The following DAZAP1 variants were observed in gnomAD, a reference collection of about 807,000 sequenced individuals.
DAZAP1 encodes the protein DAZ-associated protein 1.
In DAZAP1, 6 loss-of-function variants were observed where a neutral mutation model predicts 60.1. That is an observed-to-expected ratio of 0.10 (90% confidence interval 0.05 to 0.20). DAZAP1 has a LOEUF of 0.20. DAZAP1 is among the 10% of genes least tolerant of loss of function. The pLI, the probability that DAZAP1 is intolerant of heterozygous loss-of-function variation, is 1.00. For missense variants in DAZAP1, 366 were observed against 560.4 expected (o/e 0.65, Z 3.50); for synonymous variants, 235 against 215.9 (o/e 1.09, Z -0.78).
Position 1,421,138 on chromosome 19 carries a change from T to C in DAZAP1, c.304-10T>C. ...CCGTGTGAACTAACTATCCTTCCCT[T>C]CTTCAACAGCAGAAAGGACCCAGGA... On this transcript the variant is annotated splice_polypyrimidine_tract_variant and intron_variant, in intron 4 of 11. Coordinates refer to ENST00000233078, the MANE Select transcript of DAZAP1 (RefSeq NM_018959.4). 6.2e-7 allele frequency: 1 copy of C among 1,613,542 alleles called. No individual in the cohort carries two copies. Among genetic ancestry groups the C allele is most frequent in the Non-Finnish European group, 8.5e-7 (1 of 1,179,498 alleles).
At chr19:1,415,378 T>G (rs1230902171) in intron 1 of DAZAP1, among the ~76,000 whole-genome samples, 1 of 148,058 alleles carries the variant, frequency 6.8e-6, no homozygotes, top group African/African-American at 2.5e-5. Context: ...TGTGTGTGTG[T>G]GTGTGTGTGT....
intron 8 of DAZAP1, 152 bp from the exon 9 acceptor site, chr19:1,429,815 T>C: frequency 1.2e-6 from 1 of 863,148 alleles, no homozygotes; most frequent in African/African-American, 1.7e-5. Flanking sequence ...TGCTCAGGGT[T>C]CAGAGGGCTC....
intron 4 of DAZAP1, among the ~76,000 whole-genome samples, chr19:1,419,105 G>A (rs544389457): frequency 2.0e-5 from 3 of 152,296 alleles, no homozygotes; most frequent in East Asian, 1.9e-4. Context: ...GTCAGCTCGT[G>A]CTGGCCACTT....
intron 1 of DAZAP1, among the ~76,000 whole-genome samples, chr19:1,412,576 C>T (rs1039010544): frequency 4.6e-5 from 7 of 152,182 alleles, no homozygotes; most frequent in Middle Eastern, 3.2e-3. Context: ...CCCGAATGGC[C>T]GGGCTGGCCG....
At chr19:1,412,539 C>G (rs1280471590) in intron 1 of DAZAP1, among the ~76,000 whole-genome samples, 1 of 152,180 alleles carries the variant, frequency 6.6e-6, no homozygotes, top group Non-Finnish European at 1.5e-5. Context: ...AGGTCGCCTG[C>G]CAACTGCCCC....
chr19:1,414,029 G>GTGTGTT (rs2082904201), intron 1 of DAZAP1, among the ~76,000 whole-genome samples: 1 of 149,632 alleles, frequency 6.7e-6, no homozygotes, highest in African/African-American at 2.5e-5. Flanking sequence ...GTGTGTGTGT[G>GTGTGTT]TGTTTAGATG....
Position 1,435,042 on chromosome 19 carries a change from T to C in DAZAP1, c.*130T>C. 1 of 563,036 alleles carries C rather than the reference T, an allele frequency of 1.8e-6. No individual in the cohort carries two copies. Among genetic ancestry groups the C allele is most frequent in the Admixed American group, 4.3e-5 (1 of 23,244 alleles). 34.9% of individuals were successfully genotyped at this position (563,036 alleles called of 1,614,324 possible). A position where few individuals can be genotyped will look rare whatever the true frequency, so the allele number is the denominator to read the frequency against. On this transcript the variant is annotated 3_prime_UTR_variant, in exon 12 of 12. Transcript: ENST00000233078. ...GGGGGGCGGGGGGAGGGCGCGAGGCTTTTGGAGCGGCTGTGGGTGTCGTCT... is the reference window on the plus strand; with the variant it reads ...GGGGGGCGGGGGGAGGGCGCGAGGCCTTTGGAGCGGCTGTGGGTGTCGTCT...
At chr19:1,412,776 G>A (rs185536725) in intron 1 of DAZAP1, among the ~76,000 whole-genome samples, 121 of 152,310 alleles carry the variant, frequency 7.9e-4, no homozygotes, top group Non-Finnish European at 1.6e-3. Flanking sequence ...TGGCTGCGCC[G>A]GCCACCGTGG....
At position 1,422,401 on chromosome 19, in the gene DAZAP1, G is replaced by A; in HGVS notation, c.463+5G>A. On this transcript the variant is annotated splice_donor_5th_base_variant and intron_variant, in intron 6 of 11. Transcript: ENST00000233078. The surrounding 1 kb of genome is among the most constrained non-coding windows in gnomAD (Gnocchi z 4.5). ...CCGAGAAGCAGAGGCCCCGAGGTAA[G>A]GGCAGATCTAGTTTGACCTCGGCCT... is the stretch of plus-strand genomic sequence containing the variant. 1 of 1,613,760 alleles carries A rather than the reference G, an allele frequency of 6.2e-7. No homozygotes were observed. Among genetic ancestry groups the A allele is most frequent in the Non-Finnish European group, 8.5e-7 (1 of 1,179,776 alleles).
chr19:1,417,338 G>C (rs898827696), intron 1 of DAZAP1, 162 bp from the exon 2 acceptor site: 32 of 763,554 alleles, frequency 4.2e-5, no homozygotes, highest in Middle Eastern at 7.0e-4. Context: ...CATGGGCGAG[G>C]CTGACTCGCC....
At chr19:1,412,951 CT>C (rs34085072) in intron 1 of DAZAP1, among the ~76,000 whole-genome samples, 5 of 152,198 alleles carry the variant, frequency 3.3e-5, no homozygotes, top group Admixed American at 3.3e-4. Flanking sequence ...GAGAACACCC[CT>C]TTTGGGTTTG....
At position 1,428,724 on chromosome 19, in the gene DAZAP1, AT is replaced by A; in HGVS notation, c.547-115del. On this transcript the variant is annotated intron_variant, in intron 7 of 11. Coordinates refer to ENST00000233078, the MANE Select transcript of DAZAP1 (RefSeq NM_018959.4). This position sits in a 1 kb window ranked among gnomAD's most constrained non-coding sequence, Gnocchi z 4.0. ...GCCTAAATAAGGTTTATAGTTAAGTATTTAGTCTTAAGTTGTAAGATGCTAA... is the reference window on the plus strand; with the variant it reads ...GCCTAAATAAGGTTTATAGTTAAGTATTAGTCTTAAGTTGTAAGATGCTAA... 2 of 1,217,414 alleles carry A rather than the reference AT, an allele frequency of 1.6e-6. No homozygotes were observed. Among genetic ancestry groups the A allele is most frequent in the East Asian group, 2.5e-5 (1 of 40,636 alleles). The allele number at this position is 1,217,414 out of a possible 1,614,324, so 75.4% of individuals were successfully genotyped here.
intron 4 of DAZAP1, among the ~76,000 whole-genome samples, chr19:1,419,883 A>G (rs1600212149): frequency 7.6e-6 from 1 of 131,022 alleles, no homozygotes; most frequent in African/African-American, 3.0e-5. Flanking sequence ...GCGAGCACTC[A>G]CCCCACGCAC....
chr19:1,418,448 G>T lies in DAZAP1; in HGVS notation c.237+78G>T. On this transcript the variant is annotated intron_variant, in intron 3 of 11. Coordinates refer to ENST00000233078, the MANE Select transcript of DAZAP1 (RefSeq NM_018959.4). This position sits in a 1 kb window ranked among gnomAD's most constrained non-coding sequence, Gnocchi z 5.7. The stretch of plus-strand genomic sequence containing the variant: ...TCTGCTTCATTTTTTCCTGGACTCT[G>T]ACCGATGTTTGCGTTAGAGTATGTT... 1 of 1,555,180 alleles carries T rather than the reference G, an allele frequency of 6.4e-7. No homozygotes were observed. Among genetic ancestry groups the T allele is most frequent in the South Asian group, 1.1e-5 (1 of 88,084 alleles).
In DAZAP1 at chr19:1,421,375, G is replaced by A. The variant is rs112109862; in HGVS notation, c.414+117G>A. On this transcript the variant is annotated intron_variant, in intron 5 of 11. Coordinates refer to ENST00000233078, the MANE Select transcript of DAZAP1 (RefSeq NM_018959.4). ...GGTGCACGGGCCTTTCAGGCTGGGA[G>A]CTCGCTGTCTCGTATTTCCCCAACG... The A allele has an allele frequency of 1.3e-5, 11 of 846,710 alleles. 1 individual carries two copies. In the African/African-American group the frequency reaches 1.4e-4, roughly 11 times the overall value. The allele number at this position is 846,710 out of a possible 1,614,324, so 52.4% of individuals were successfully genotyped here.
At position 1,418,514 on chromosome 19, in the gene DAZAP1, G is replaced by A; in HGVS notation, c.237+144G>A. On this transcript the variant is annotated intron_variant, in intron 3 of 11. Transcript: ENST00000233078. This position sits in a 1 kb window ranked among gnomAD's most constrained non-coding sequence, Gnocchi z 5.7. Reference sequence around the variant, plus strand: ...TTGGGAAGGATTAAGCCTTGGTGCTGAGGCTGGATATTGCAGGAGGATACA... The same window carrying A: ...TTGGGAAGGATTAAGCCTTGGTGCTAAGGCTGGATATTGCAGGAGGATACA... The A allele has an allele frequency of 7.0e-7, 1 of 1,428,296 alleles. No individual in the cohort carries two copies. Among genetic ancestry groups the A allele is most frequent in the Non-Finnish European group, 9.8e-7 (1 of 1,020,838 alleles). 88.5% of individuals were successfully genotyped at this position (1,428,296 alleles called of 1,614,324 possible). A position where few individuals can be genotyped will look rare whatever the true frequency, so the allele number is the denominator to read the frequency against.
At chr19:1,417,656 G>C (rs747091206) in intron 2 of DAZAP1, 116 bp downstream of exon 2, 2 of 998,690 alleles carry the variant, frequency 2.0e-6, no homozygotes, top group Middle Eastern at 2.1e-4. Flanking sequence ...TCCTTTTGAC[G>C]TTGTTCTGAT....
Position 1,432,867 on chromosome 19 carries a change from A to C in DAZAP1, c.1048+177A>C, listed in dbSNP as rs961669970. 1 of 652,328 alleles carries C rather than the reference A, an allele frequency of 1.5e-6. No homozygotes were observed. The highest frequency in any genetic ancestry group is 2.8e-5 in the East Asian group (1 of 35,532). The allele number at this position is 652,328 out of a possible 1,614,324, so 40.4% of individuals were successfully genotyped here. ...AGAGATCTCGTGGCAACTCGGGTCC[A>C]GCAGAAGGGAGCGTGGGAGTCTTGT... On this transcript the variant is annotated intron_variant, in intron 11 of 11. Transcript: ENST00000233078. The surrounding 1 kb of genome is among the most constrained non-coding windows in gnomAD (Gnocchi z 4.9).
In DAZAP1 at chr19:1,435,473, T is replaced by C. The variant is rs1257423699; in HGVS notation, c.*561T>C. 6.6e-6 allele frequency: 1 copy of C among 152,250 alleles called. No homozygotes were observed. The highest frequency in any genetic ancestry group is 1.5e-5 in the Non-Finnish European group (1 of 68,056). 9.4% of individuals were successfully genotyped at this position (152,250 alleles called of 1,614,324 possible). ...GAAATCTACTGAGTGTATTTCTGTT[T>C]TTTGTTTAATTCCTTGCTTTTGTCG... On this transcript the variant is annotated 3_prime_UTR_variant, in exon 12 of 12. Coordinates refer to ENST00000233078, the MANE Select transcript of DAZAP1 (RefSeq NM_018959.4).
Sources: allele counts gnomAD v4.1 joint callset (sites outside exome capture counted in the v4.1 genomes callset), GRCh38; gene constraint gnomAD v4.1.1; non-coding constraint Gnocchi (gnomAD v3.1); transcripts MANE v1.5; gene names NCBI Gene and HGNC (gene_info 2026-07-23, HGNC 2026-07-21).